ZNF683: variants seen among roughly 807,000 people sequenced by gnomAD.
ZNF683 encodes zinc finger protein 683.
A neutral mutation model predicts 31.4 loss-of-function variants in ZNF683; 20 were observed. That is an observed-to-expected ratio of 0.64 (90% CI 0.45 to 0.93). ZNF683 has a LOEUF of 0.93. Among genes scored for constraint, ZNF683 ranks in the 40% least tolerant of loss-of-function variants. The pLI, the probability that ZNF683 is intolerant of heterozygous loss-of-function variation, is 0.00. For synonymous variants in ZNF683, 264 were observed against 267.6 expected, an observed-to-expected ratio of 0.99 and a Z score of 0.13; for missense variants, 621 against 637.2, an observed-to-expected ratio of 0.97 and a Z score of 0.27.
chr1:26,361,933 G>T lies in ZNF683; in HGVS notation c.1233C>A (p.Cys411Ter), dbSNP rs1198003306. 1 of 1,614,000 alleles carries T rather than the reference G, an allele frequency of 6.2e-7. No homozygotes were observed. Among genetic ancestry groups the T allele is most frequent in the Non-Finnish European group, 8.5e-7 (1 of 1,179,904 alleles). ...GGATGTGCTGGGTGAAGCGACTCCG[G>T]CAGACACTGCACTGGAAGGGCCGGG... ...SGARPFQCSV[C>*]RSRFTQHIHL... Residue 411 changes from cysteine (C) to a stop codon, truncating the protein, a stop_gained, in exon 6 of 6, where the codon TGC becomes TGA. Transcript: ENST00000349618. LOFTEE classifies it low-confidence loss of function (END_TRUNC).
upstream of ZNF683, chr1:26,374,288 C>T: frequency 1.5e-6 from 2 of 1,304,320 alleles, no homozygotes; most frequent in Non-Finnish European, 2.0e-6. Context: ...CTTTGGCTTC[C>T]ATCTGCCAGC....
At chr1:26,374,291 C>T, upstream of ZNF683, 1 of 1,304,338 alleles carries the variant, frequency 7.7e-7, no homozygotes, top group Non-Finnish European at 1.0e-6. Context: ...TGGCTTCCAT[C>T]TGCCAGCTGT....
chr1:26,367,890 G>C, intron 2 of ZNF683, 93 bp from the exon 3 acceptor site: 1 of 1,006,570 alleles, frequency 9.9e-7, no homozygotes. Flanking sequence ...TTCCAAAGGG[G>C]AGAATAAGCT....
intron 5 of ZNF683, among the ~76,000 whole-genome samples, chr1:26,362,444 G>C (rs1248714367): frequency 6.6e-6 from 1 of 152,104 alleles, no homozygotes; most frequent in East Asian, 1.9e-4. Context: ...AGGACCCTAG[G>C]GAAGCATGAC....
chr1:26,368,621 G>A (rs750490111), intron 1 of ZNF683, 36 bp from the exon 2 acceptor site: 6 of 1,543,018 alleles, frequency 3.9e-6, no homozygotes, highest in Non-Finnish European at 3.5e-6. Context: ...AGCTGTGAAG[G>A]TCCTCCAAAT....
At chr1:26,372,495 T>A (rs1160739900) in intron 1 of ZNF683, 174 bp downstream of exon 1, 2 of 1,304,678 alleles carry the variant, frequency 1.5e-6, no homozygotes, top group Admixed American at 4.6e-5. Flanking sequence ...ATGGACTAGG[T>A]CGATCAGATG....
intron 5 of ZNF683, among the ~76,000 whole-genome samples, chr1:26,362,380 A>C (rs1481136531): frequency 6.6e-6 from 1 of 152,194 alleles, no homozygotes; most frequent in Non-Finnish European, 1.5e-5. Context: ...GATTGTAATG[A>C]ACATTTACAG....
rs114607277 is a variant in ZNF683 at position 26,362,588 on chromosome 1, G to A, written c.1143+438C>T. On this transcript the variant is annotated intron_variant, in intron 5 of 5. Coordinates refer to ENST00000349618, the MANE Select transcript of ZNF683 (RefSeq NM_001114759.3). ...CACAGGTGGCCCGACTATGCAGCCC[G>A]GACTCATAATCATGGCACTGCTTTC... 3.8e-3 allele frequency among the ~76,000 whole-genome samples: 581 copies of A among 152,220 alleles called. 16 individuals carry two copies. The South Asian group carries it at 0.068, about 18-fold the overall frequency.
intron 4 of ZNF683, among the ~76,000 whole-genome samples, chr1:26,363,797 G>A (rs1240598350): frequency 6.6e-6 from 1 of 151,882 alleles, no homozygotes; most frequent in East Asian, 1.9e-4. Context: ...AGGCTGAGGT[G>A]GGAGGATCAC....
intron 4 of ZNF683, 53 bp downstream of exon 4, chr1:26,364,479 T>TG (rs2074463608): frequency 1.3e-6 from 2 of 1,597,530 alleles, no homozygotes; most frequent in Non-Finnish European, 1.7e-6. Context: ...CTCGGGTGCA[T>TG]GGGGGGCCCT....
chr1:26,364,856 G>T lies in ZNF683; in HGVS notation c.690C>A (p.Thr230=), dbSNP rs142734084. Residue 230 remains threonine, a synonymous_variant, in exon 4 of 6, where the codon ACC becomes ACA. Coordinates refer to ENST00000349618, the MANE Select transcript of ZNF683 (RefSeq NM_001114759.3). ...LMLPQDPSYP[T]MAMPSLLMMV... Reference sequence around the variant, plus strand: ...TCATCAGCAGGCTAGGCATAGCCATGGTGGGGTAGGAGGGGTCTTGGGGCA... The same window carrying T: ...TCATCAGCAGGCTAGGCATAGCCATTGTGGGGTAGGAGGGGTCTTGGGGCA... 1 of 1,561,228 alleles carries T rather than the reference G, an allele frequency of 6.4e-7. No individual in the cohort carries two copies. The highest frequency in any genetic ancestry group is 8.7e-7 in the Non-Finnish European group (1 of 1,154,404).
Position 26,364,859 on chromosome 1 carries a change from G to A in ZNF683, c.687C>T (p.Pro229=), listed in dbSNP as rs1375956862. Residue 229 remains proline (P), a synonymous_variant, in exon 4 of 6, where the codon CCC becomes CCT. Coordinates refer to ENST00000349618, the MANE Select transcript of ZNF683 (RefSeq NM_001114759.3). ...TCAGCAGGCTAGGCATAGCCATGGT[G>A]GGGTAGGAGGGGTCTTGGGGCAGCA... The part of the protein sequence containing the change: ...LLMLPQDPSY[P]TMAMPSLLMM... 1.3e-6 allele frequency: 2 copies of A among 1,555,366 alleles called. No individual in the cohort carries two copies. The highest frequency in any genetic ancestry group is 1.7e-6 in the Non-Finnish European group (2 of 1,152,058).
upstream of ZNF683, chr1:26,373,206 T>C (rs1338388288): frequency 6.6e-6 from 1 of 152,598 alleles, no homozygotes; most frequent in Non-Finnish European, 1.5e-5. Context: ...CTGGCCAACA[T>C]GGTGGGACCC....
chr1:26,372,435 G>A (rs2074690469), intron 1 of ZNF683: 2 of 1,279,496 alleles, frequency 1.6e-6, no homozygotes, highest in Non-Finnish European at 1.0e-6. Context: ...AGCCGAAATG[G>A]CCAAATACTT....
upstream of ZNF683, chr1:26,372,756 T>C (rs1443674081): frequency 3.3e-6 from 4 of 1,209,886 alleles, no homozygotes; most frequent in Non-Finnish European, 4.2e-6. Flanking sequence ...ACCATGGTCC[T>C]CCCTTTGTGC....
rs111733777 is a variant in ZNF683, at chr1:26,364,183, G to A, written c.1014+349C>T. ...CTTAACTTGGAGTCCAGAAAGGATG[G>A]TTGTCCAGGTAAGGGCTTTCTTTGC... On this transcript the variant is annotated intron_variant, in intron 4 of 5. Transcript: ENST00000349618. Among the ~76,000 whole-genome samples the A allele has an allele frequency of 5.9e-3, 898 of 152,340 alleles. 2 individuals are homozygous for A. The highest frequency in any genetic ancestry group is 0.021 in the African/African-American group (853 of 41,586).
At position 26,363,057 on chromosome 1, in the gene ZNF683, A is replaced by T; in HGVS notation, c.1112T>A (p.Val371Glu). 6.2e-7 allele frequency: 1 copy of T among 1,612,348 alleles called. No individual in the cohort carries two copies. Among genetic ancestry groups the T allele is most frequent in the Admixed American group, 1.7e-5 (1 of 59,760 alleles). Reference sequence around the variant, plus strand: ...CTTGTGGGGCCGCTCCCCAGTGTGCACCAGGTGGTGCTTCTGCAGGTGGGC... The same window carrying T: ...CTTGTGGGGCCGCTCCCCAGTGTGCTCCAGGTGGTGCTTCTGCAGGTGGGC... Reference protein sequence around the residue: ...QLAHLQKHHLVHTGERPHKCS... With the variant: ...QLAHLQKHHLEHTGERPHKCS... The change falls in exon 5 of 6, where the codon GTG becomes GAG. Residue 371 changes from valine to glutamate, a missense_variant. Transcript: ENST00000349618.
At chr1:26,362,986 C>G (rs1353144058) in intron 5 of ZNF683, 40 bp downstream of exon 5, 1 of 1,563,058 alleles carries the variant, frequency 6.4e-7, no homozygotes. Flanking sequence ...AACTCCTCTC[C>G]AGCCTATAGG....
At chr1:26,370,945 ATGTG>A (rs1287252120) in intron 1 of ZNF683, among the ~76,000 whole-genome samples, 2 of 151,986 alleles carry the variant, frequency 1.3e-5, no homozygotes, top group African/African-American at 4.8e-5. Context: ...GAATTTCAGG[ATGTG>A]TGTGTGAGGG....
Sources: allele counts gnomAD v4.1 joint callset (sites outside exome capture counted in the v4.1 genomes callset), GRCh38; gene constraint gnomAD v4.1.1; transcripts MANE v1.5; gene names NCBI Gene and HGNC (gene_info 2026-07-23, HGNC 2026-07-21).